ADARB2: variants seen among roughly 807,000 people sequenced by gnomAD.
ADARB2 encodes the protein adenosine deaminase RNA specific B2 (inactive).
A neutral mutation model predicts 62.2 loss-of-function variants in ADARB2; 25 were observed. That is an observed-to-expected ratio of 0.40 (90% CI 0.29 to 0.56). ADARB2 has a LOEUF of 0.56. ADARB2 is among the 20% of genes least tolerant of loss of function. The pLI is 0.43. For synonymous variants in ADARB2, 572 were observed against 500.8 expected (o/e 1.14, Z -1.90); for missense variants, 1,071 against 1,077.4 (o/e 0.99, Z 0.08).
chr10:1,374,795 TAGTC>T (rs1207232590), intron 2 of ADARB2, among the ~76,000 whole-genome samples: 2 of 152,212 alleles, frequency 1.3e-5, no homozygotes, highest in East Asian at 1.9e-4. Flanking sequence ...TCCCGGGAGT[TAGTC>T]AGGCAGCGCG....
chr10:1,673,314 ATGTGTGTGTGTGTGTG>A (rs66687699), intron 1 of ADARB2, among the ~76,000 whole-genome samples: 1 of 149,592 alleles, frequency 6.7e-6, no homozygotes, highest in African/African-American at 2.5e-5. Context: ...ATTTCATTTT[ATGTGTGTGTGTGTGTG>A]TGTGTGTGTG....
At chr10:1,479,911 G>A (rs962573132) in intron 1 of ADARB2, among the ~76,000 whole-genome samples, 19 of 152,094 alleles carry the variant, frequency 1.2e-4, no homozygotes, top group African/African-American at 4.3e-4. Context: ...CTCCATAGAC[G>A]TGCTTTACTC....
chr10:1,671,762 G>A (rs1448032222), intron 1 of ADARB2, among the ~76,000 whole-genome samples: 1 of 152,008 alleles, frequency 6.6e-6, no homozygotes, highest in Non-Finnish European at 1.5e-5. Flanking sequence ...CGCTCCATAC[G>A]CTGCGTCAAA....
At chr10:1,613,854 G>C (rs1003824982) in intron 1 of ADARB2, among the ~76,000 whole-genome samples, 8 of 152,236 alleles carry the variant, frequency 5.3e-5, no homozygotes, top group African/African-American at 1.9e-4. Context: ...ATGTGCGCGG[G>C]AAGCACGGGG....
chr10:1,321,942 TG>T (rs1289484514), intron 3 of ADARB2, among the ~76,000 whole-genome samples: 3 of 146,714 alleles, frequency 2.0e-5, no homozygotes, highest in African/African-American at 5.1e-5. Flanking sequence ...AGAGAGGCTC[TG>T]GGGGAGGACT....
chr10:1,446,181 T>C (rs916420390), intron 1 of ADARB2, among the ~76,000 whole-genome samples: 2 of 152,242 alleles, frequency 1.3e-5, no homozygotes, highest in African/African-American at 2.4e-5. Flanking sequence ...ACAAAATTCT[T>C]TGGGCAAGTC....
chr10:1,524,091 T>C (rs1213077183), intron 1 of ADARB2, among the ~76,000 whole-genome samples: 3 of 152,118 alleles, frequency 2.0e-5, no homozygotes, highest in Non-Finnish European at 4.4e-5. Flanking sequence ...GATAGATAGA[T>C]AGATAGATAG....
chr10:1,185,985 G>A (rs1836752389), intron 8 of ADARB2, among the ~76,000 whole-genome samples: 1 of 152,202 alleles, frequency 6.6e-6, no homozygotes, highest in African/African-American at 2.4e-5. Context: ...GCTGATTGGG[G>A]CTTCTGGACA....
intron 1 of ADARB2, among the ~76,000 whole-genome samples, chr10:1,441,730 A>C (rs1192095538): frequency 6.6e-6 from 1 of 152,180 alleles, no homozygotes; most frequent in East Asian, 1.9e-4. Context: ...GACGCTTCCC[A>C]TGCTTAATAA....
chr10:1,644,887 G>A (rs1427290093), intron 1 of ADARB2, among the ~76,000 whole-genome samples: 1 of 152,208 alleles, frequency 6.6e-6, no homozygotes, highest in Non-Finnish European at 1.5e-5. Context: ...ATGGCTAGGG[G>A]CTCTTCCAGT....
At chr10:1,460,277 CCTGTGT>C (rs1831155864) in intron 1 of ADARB2, among the ~76,000 whole-genome samples, 2 of 35,182 alleles carry the variant, frequency 5.7e-5, no homozygotes, top group East Asian at 8.2e-4. Flanking sequence ...CCTGAGTTTA[CCTGTGT>C]AACGAACCTG....
chr10:1,208,497 TG>T (rs1837100713), intron 7 of ADARB2, among the ~76,000 whole-genome samples: 1 of 152,210 alleles, frequency 6.6e-6, no homozygotes, highest in Non-Finnish European at 1.5e-5. Context: ...GGCCCCATGC[TG>T]GGCTCTGTCC....
chr10:1,444,913 T>G (rs1457795304), intron 1 of ADARB2, among the ~76,000 whole-genome samples: 1 of 139,004 alleles, frequency 7.2e-6, no homozygotes, highest in Non-Finnish European at 1.5e-5. Flanking sequence ...TGACCATCCG[T>G]CTACATTCTC....
chr10:1,470,101 G>GGTCATCTGACCTGACCCTCTCCCAGC, intron 1 of ADARB2, among the ~76,000 whole-genome samples: 1 of 152,128 alleles, frequency 6.6e-6, no homozygotes, highest in Non-Finnish European at 1.5e-5. Context: ...CCTCTCCCAG[G>GGTCATCTGACCTGACCCTCTCCCAGC]GTCATCTGAC....
At chr10:1,564,037 A>T (rs1307044083) in intron 1 of ADARB2, among the ~76,000 whole-genome samples, 2 of 151,058 alleles carry the variant, frequency 1.3e-5, no homozygotes, top group African/African-American at 2.4e-5. Flanking sequence ...TCATTGTTGG[A>T]CATTTGGGTT....
At chr10:1,461,319 G>T (rs554919916) in intron 1 of ADARB2, among the ~76,000 whole-genome samples, 3 of 152,152 alleles carry the variant, frequency 2.0e-5, no homozygotes, top group Non-Finnish European at 4.4e-5. Flanking sequence ...ATCAGAACAC[G>T]TGTACTTGTC....
intron 1 of ADARB2, among the ~76,000 whole-genome samples, chr10:1,601,720 C>A (rs1390227890): frequency 6.6e-6 from 1 of 152,198 alleles, no homozygotes; most frequent in Non-Finnish European, 1.5e-5. Context: ...CACCTGCTCC[C>A]CCGAAAGCCA....
chr10:1,317,290 A>G (rs1489971090), intron 3 of ADARB2, among the ~76,000 whole-genome samples: 3 of 152,228 alleles, frequency 2.0e-5, no homozygotes, highest in Non-Finnish European at 4.4e-5. Flanking sequence ...TGTACCAGAT[A>G]ATGTTCCCTG....
chr10:1,613,654 T>G (rs6560744), intron 1 of ADARB2, among the ~76,000 whole-genome samples: 110,886 of 152,180 alleles, frequency 0.73, 40,583 homozygotes, highest in African/African-American at 0.81. Context: ...GCTGGGATTT[T>G]CCTGGAAGTT....
Sources: gnomAD v4.1 joint callset for allele counts (sites outside exome capture counted in the v4.1 genomes callset) on GRCh38, gnomAD v4.1.1 for gene constraint, MANE v1.5 for transcripts, NCBI Gene and HGNC (gene_info 2026-07-23, HGNC 2026-07-21) for gene names.